Variants in HMGB1 observed in about 807,000 individuals in gnomAD.
HMGB1 encodes high mobility group protein B1.
For missense variants in HMGB1, 79 were observed against 253.5 expected, an observed-to-expected ratio of 0.31 and a Z score of 4.67; for synonymous variants, 81 against 84.0, an observed-to-expected ratio of 0.96 and a Z score of 0.19.
chr13:30,592,183 ACAT>A (rs1268653404), intron 1 of HMGB1, among the ~76,000 whole-genome samples: 1 of 137,180 alleles, frequency 7.3e-6, no homozygotes, highest in African/African-American at 3.3e-5. Context: ...TAAAAAAAAA[ACAT>A]TTTCCCCTAT....
chr13:30,579,882 A>G (rs1434400447), intron 1 of HMGB1, among the ~76,000 whole-genome samples: 1 of 152,248 alleles, frequency 6.6e-6, no homozygotes, highest in East Asian at 1.9e-4. Context: ...GATAGATTAC[A>G]GTGAAATAAA....
At chr13:30,467,239 G>T (rs1218619916), upstream of HMGB1, among the ~76,000 whole-genome samples, 1 of 151,974 alleles carries the variant, frequency 6.6e-6, no homozygotes, top group Non-Finnish European at 1.5e-5. Context: ...ACTCTCTAAT[G>T]GTATTTTGTA....
intron 1 of HMGB1, among the ~76,000 whole-genome samples, chr13:30,521,568 A>G (rs1244993359): frequency 3.3e-5 from 5 of 152,214 alleles, no homozygotes; most frequent in Admixed American, 6.5e-5. Flanking sequence ...TTTATTGTTG[A>G]ATAATATCAG....
intron 1 of HMGB1, among the ~76,000 whole-genome samples, chr13:30,522,126 T>TTTTTG (rs55733338): frequency 1.3e-5 from 2 of 148,292 alleles, no homozygotes; most frequent in Non-Finnish European, 1.5e-5. Context: ...TTTTTTTTTT[T>TTTTTG]GGGCAAGACA....
intron 1 of HMGB1, among the ~76,000 whole-genome samples, chr13:30,583,341 T>C (rs572719112): frequency 6.6e-6 from 1 of 152,046 alleles, no homozygotes; most frequent in Admixed American, 6.5e-5. Context: ...AACATCAGCT[T>C]AGACAACATG....
intron 1 of HMGB1, among the ~76,000 whole-genome samples, chr13:30,484,227 C>T (rs189429042): frequency 3.7e-4 from 56 of 152,274 alleles, no homozygotes; most frequent in Non-Finnish European, 5.1e-4. Context: ...TCTGTACTAC[C>T]CAGGCGTCTG....
chr13:30,586,115 G>C (rs2137547596), intron 1 of HMGB1, among the ~76,000 whole-genome samples: 1 of 152,192 alleles, frequency 6.6e-6, no homozygotes, highest in Admixed American at 6.5e-5. Context: ...ACCCAGGCTG[G>C]AATGCAGTGA....
In HMGB1 at chr13:30,458,768, C is replaced by T. The variant is rs1886118569; in HGVS notation, c.*2589G>A. 6.6e-6 allele frequency: 1 copy of T among 152,098 alleles called. No homozygotes were observed. The highest frequency in any genetic ancestry group is 2.1e-4 in the South Asian group (1 of 4,820). The allele number at this position is 152,098 out of a possible 1,614,324, so 9.4% of individuals were successfully genotyped here. ...TCTTATCTTTATCATTTAATCATTA[C>T]CCCTCGGGTACACAGGACACACAAA... On this transcript the variant is annotated 3_prime_UTR_variant, in exon 5 of 5. Coordinates refer to ENST00000341423, the MANE Select transcript of HMGB1 (RefSeq NM_002128.7).
At chr13:30,505,414 G>T (rs937710792) in intron 1 of HMGB1, among the ~76,000 whole-genome samples, 1 of 151,922 alleles carries the variant, frequency 6.6e-6, no homozygotes, top group Non-Finnish European at 1.5e-5. Context: ...TCCTGACCTC[G>T]TGATCAGCCC....
At chr13:30,527,817 A>G (rs1259886480) in intron 1 of HMGB1, among the ~76,000 whole-genome samples, 2 of 152,170 alleles carry the variant, frequency 1.3e-5, no homozygotes, top group Non-Finnish European at 2.9e-5. Context: ...CCAAATGTTT[A>G]GTGAAGTCAA....
intron 1 of HMGB1, among the ~76,000 whole-genome samples, chr13:30,593,876 T>C (rs1871483134): frequency 6.6e-6 from 1 of 152,128 alleles, no homozygotes; most frequent in Admixed American, 6.5e-5. Context: ...TATGGAAATG[T>C]TACAGATTGA....
At chr13:30,464,023 G>A (rs549485718) in intron 1 of HMGB1, 3 of 811,152 alleles carry the variant, frequency 3.7e-6, no homozygotes, top group East Asian at 1.2e-4. Flanking sequence ...TTAAAATCTA[G>A]AACACCATTT....
At chr13:30,540,376 C>T in intron 1 of HMGB1, 1 of 159,032 alleles carries the variant, frequency 6.3e-6, no homozygotes. Flanking sequence ...TGTGTCTTTC[C>T]CCAGCATGCT....
At chr13:30,527,754 G>C (rs932606027) in intron 1 of HMGB1, among the ~76,000 whole-genome samples, 2 of 151,992 alleles carry the variant, frequency 1.3e-5, no homozygotes, top group African/African-American at 4.8e-5. Flanking sequence ...TCTTATTCCT[G>C]CTCCCAGAGA....
At chr13:30,614,195 T>C (rs1950539293) in intron 1 of HMGB1, among the ~76,000 whole-genome samples, 1 of 152,232 alleles carries the variant, frequency 6.6e-6, no homozygotes, top group African/African-American at 2.4e-5. Context: ...AGAAAATGAC[T>C]GAGTATCCTT....
intron 1 of HMGB1, among the ~76,000 whole-genome samples, chr13:30,581,152 G>GA (rs1313703660): frequency 6.6e-6 from 1 of 151,698 alleles, no homozygotes; most frequent in Non-Finnish European, 1.5e-5. Context: ...AATACAAAAA[G>GA]AAAAAAAAGA....
At chr13:30,527,894 CT>C (rs573124456) in intron 1 of HMGB1, among the ~76,000 whole-genome samples, 1 of 152,248 alleles carries the variant, frequency 6.6e-6, no homozygotes, top group South Asian at 2.1e-4. Flanking sequence ...CCATAGCCCC[CT>C]AATCTATACC....
At chr13:30,528,344 G>A (rs1055353231) in intron 1 of HMGB1, among the ~76,000 whole-genome samples, 1 of 152,196 alleles carries the variant, frequency 6.6e-6, no homozygotes, top group African/African-American at 2.4e-5. Flanking sequence ...CATTCAGAAG[G>A]GATAACTGAA....
chr13:30,569,226 A>T (rs1315243275), intron 1 of HMGB1, among the ~76,000 whole-genome samples: 2 of 152,192 alleles, frequency 1.3e-5, no homozygotes, highest in Non-Finnish European at 2.9e-5. Flanking sequence ...GTAGTTCTGC[A>T]TTAAGCAACA....
Sources: gnomAD v4.1 joint callset for allele counts (sites outside exome capture counted in the v4.1 genomes callset) on GRCh38, gnomAD v4.1.1 for gene constraint, MANE v1.5 for transcripts, NCBI Gene and HGNC (gene_info 2026-07-23, HGNC 2026-07-21) for gene names.